GRAMD1A: variants seen among roughly 807,000 people sequenced by gnomAD.
The protein encoded by GRAMD1A is GRAM domain containing 1A.
In GRAMD1A, 50 loss-of-function variants were observed where a neutral mutation model predicts 92.0. The ratio of observed to expected loss-of-function variants is 0.54; its 90% CI spans 0.43 to 0.69. GRAMD1A has a LOEUF of 0.69. GRAMD1A is among the 30% of genes least tolerant of loss of function. The pLI, the probability that GRAMD1A is intolerant of heterozygous loss-of-function variation, is 0.00. For missense variants in GRAMD1A, 819 were observed against 978.9 expected (o/e 0.84, Z 2.18); for synonymous variants, 405 against 403.6 (o/e 1.00, Z -0.04).
At position 35,019,423 on chromosome 19, in the gene GRAMD1A, G is replaced by T; in HGVS notation, c.1365G>T (p.Gly455=). 1 of 1,613,950 alleles carries T rather than the reference G, an allele frequency of 6.2e-7. No individual in the cohort carries two copies. The highest frequency in any genetic ancestry group is 8.5e-7 in the Non-Finnish European group (1 of 1,179,950). Residue 455 remains glycine (G), a synonymous_variant, in exon 13 of 20, where the codon GGG becomes GGT. Coordinates refer to ENST00000317991, the MANE Select transcript of GRAMD1A (RefSeq NM_020895.5). ...TCCGGCGCGGCCCCCAGGCCGGCGGGTGTGTGGTGGACTCCGAGGTGCTGA... is the reference window on the plus strand; with the variant it reads ...TCCGGCGCGGCCCCCAGGCCGGCGGTTGTGTGGTGGACTCCGAGGTGCTGA... ...TLFRRGPQAG[G]CVVDSEVLTQ...
At chr19:35,022,770 T>C in intron 16 of GRAMD1A, 130 bp from the exon 17 acceptor site, 1 of 738,446 alleles carries the variant, frequency 1.4e-6, no homozygotes. Context: ...GCCTCAGCTC[T>C]CAGCTCTCAT....
intron 6 of GRAMD1A, 152 bp downstream of exon 6, chr19:35,010,531 G>A: frequency 1.6e-6 from 1 of 626,492 alleles, no homozygotes; most frequent in South Asian, 1.8e-5. Flanking sequence ...CATCACCCCT[G>A]ACCTGATCCC....
upstream of GRAMD1A, chr19:34,994,733 C>G (rs8100658): frequency 0.46 from 69,428 of 152,084 alleles, 18,686 homozygotes; most frequent in African/African-American, 0.75. Flanking sequence ...CTCTGGCCCA[C>G]CTAGGACTCC....
rs1421514152 is a variant in GRAMD1A at position 35,009,697 on chromosome 19, G to A, written c.241-191G>A. The A allele has an allele frequency of 4.7e-6, 3 of 635,132 alleles. No individual in the cohort carries two copies. In the East Asian group the frequency reaches 8.1e-5, roughly 17 times the overall value. 39.3% of individuals were successfully genotyped at this position (635,132 alleles called of 1,614,324 possible). A position where few individuals can be genotyped will look rare whatever the true frequency, so the allele number is the denominator to read the frequency against. On this transcript the variant is annotated intron_variant, in intron 3 of 19. Transcript: ENST00000317991. ...AACATTGAATGAGTCAGTGATGCTG[G>A]TGGGTGCTTGGTACGGGGCCCGGCT...
chr19:35,017,982 A>C (rs959391834), intron 11 of GRAMD1A, among the ~76,000 whole-genome samples: 9 of 151,500 alleles, frequency 5.9e-5, no homozygotes, highest in Non-Finnish European at 1.2e-4. Flanking sequence ...ATTAACACAT[A>C]TTTATTTATT....
At chr19:35,017,394 C>T (rs2015717724) in intron 11 of GRAMD1A, among the ~76,000 whole-genome samples, 1 of 152,034 alleles carries the variant, frequency 6.6e-6, no homozygotes, top group South Asian at 2.1e-4. Flanking sequence ...GCCTTGTAGC[C>T]CCCCAACACA....
At position 35,025,489 on chromosome 19, in the gene GRAMD1A, C is replaced by T. The variant is rs909254313; in HGVS notation, c.2083-560C>T. 1.5e-3 allele frequency among the ~76,000 whole-genome samples: 228 copies of T among 152,308 alleles called. 5 individuals are homozygous for T. Among genetic ancestry groups the T allele is most frequent in the Non-Finnish European group, 4.3e-4 (29 of 68,018 alleles). On this transcript the variant is annotated intron_variant, in intron 19 of 19. Coordinates refer to ENST00000317991, the MANE Select transcript of GRAMD1A (RefSeq NM_020895.5). Reference sequence around the variant, plus strand: ...GAACTCCTGACCTTAAGTGATCCACCGGTCTCAGCCTCCCAAAGTGCTGAG... The same window carrying T: ...GAACTCCTGACCTTAAGTGATCCACTGGTCTCAGCCTCCCAAAGTGCTGAG...
chr19:35,011,612 A>G lies in GRAMD1A; in HGVS notation c.606+58A>G, dbSNP rs532542730. 58 of 1,257,442 alleles carry G rather than the reference A, an allele frequency of 4.6e-5. No homozygotes were observed. In the South Asian group the frequency reaches 6.7e-4, roughly 14 times the overall value. 77.9% of individuals were successfully genotyped at this position (1,257,442 alleles called of 1,614,324 possible). A position where few individuals can be genotyped will look rare whatever the true frequency, so the allele number is the denominator to read the frequency against. ...GGGTTTCCAGGGGGACCATGGAGCC[A>G]GGGACCCCAGAACTTGCGGAGCTGG... On this transcript the variant is annotated intron_variant, in intron 7 of 19. Coordinates refer to ENST00000317991, the MANE Select transcript of GRAMD1A (RefSeq NM_020895.5).
intron 1 of GRAMD1A, among the ~76,000 whole-genome samples, chr19:35,007,995 A>G (rs1454330421): frequency 6.6e-6 from 1 of 152,212 alleles, no homozygotes; most frequent in African/African-American, 2.4e-5. Flanking sequence ...TCGCTGTTCA[A>G]TAAATATTTG....
intron 19 of GRAMD1A, 78 bp from the exon 20 acceptor site, chr19:35,025,971 A>T: frequency 1.3e-6 from 1 of 798,088 alleles, no homozygotes; most frequent in South Asian, 1.4e-5. Context: ...CAGTTTCTCA[A>T]TGGCAAGGTG....
rs756525539 is a variant in GRAMD1A, at chr19:35,019,550, C to T, written c.1475+17C>T. The T allele has an allele frequency of 1.2e-6, 2 of 1,612,052 alleles. No homozygotes were observed. Among genetic ancestry groups the T allele is most frequent in the African/African-American group, 1.3e-5 (1 of 74,900 alleles). ...GCGGCTCCGGTGAGTGGTGGCTGGGCCCCTCCACCCGATGCCCTGGTGGCC... is the reference window on the plus strand; with the variant it reads ...GCGGCTCCGGTGAGTGGTGGCTGGGTCCCTCCACCCGATGCCCTGGTGGCC... On this transcript the variant is annotated intron_variant, in intron 13 of 19. Coordinates refer to ENST00000317991, the MANE Select transcript of GRAMD1A (RefSeq NM_020895.5).
chr19:35,000,630 G>A lies in GRAMD1A; in HGVS notation c.8+144G>A, dbSNP rs920942581. The stretch of plus-strand genomic sequence containing the variant: ...GCACATGGCTCTGGCCGGGGCGATC[G>A]GGGTGGGGGCGGGGCAGGGGGCCCC... On this transcript the variant is annotated intron_variant, in intron 1 of 19. Coordinates refer to ENST00000317991, the MANE Select transcript of GRAMD1A (RefSeq NM_020895.5). The surrounding 1 kb of genome is among the most constrained non-coding windows in gnomAD (Gnocchi z 4.9). 5 of 508,822 alleles carry A rather than the reference G, an allele frequency of 9.8e-6. No homozygotes were observed. In the East Asian group the frequency reaches 2.2e-4, roughly 22 times the overall value. The allele number at this position is 508,822 out of a possible 1,614,324, so 31.5% of individuals were successfully genotyped here. A position where few individuals can be genotyped will look rare whatever the true frequency, so the allele number is the denominator to read the frequency against.
chr19:34,997,559 T>C (rs1479034541), upstream of GRAMD1A, among the ~76,000 whole-genome samples: 4 of 152,176 alleles, frequency 2.6e-5, no homozygotes, highest in African/African-American at 7.2e-5. Flanking sequence ...AAGCAGCCAC[T>C]GTGGTTTCTT....
Position 35,014,366 on chromosome 19 carries a change from T to G in GRAMD1A, c.1048T>G (p.Ser350Ala). The G allele has an allele frequency of 1.9e-6, 3 of 1,614,110 alleles. No individual in the cohort carries two copies. Among genetic ancestry groups the G allele is most frequent in the Non-Finnish European group, 2.5e-6 (3 of 1,179,984 alleles). ...GCTATTGACAGACACAAGTAACTCC[T>G]CTTCATCCACTGGGGAGGAAGGTGA... ...EELLTDTSNS[S>A]SSTGEEADLA... Residue 350 changes from serine to alanine, a missense_variant, in exon 10 of 20, where the codon TCT (serine) becomes GCT (alanine). Ser to Ala is a moderately conservative substitution (Grantham distance 99). Coordinates refer to ENST00000317991, the MANE Select transcript of GRAMD1A (RefSeq NM_020895.5).
chr19:35,009,503 GCC>G, intron 3 of GRAMD1A, 60 bp downstream of exon 3: 1 of 1,568,300 alleles, frequency 6.4e-7, no homozygotes, highest in Non-Finnish European at 8.8e-7. Flanking sequence ...TGGGCCAGGA[GCC>G]CCAGGCTGCA....
At chr19:35,014,726 T>G (rs1188626165) in intron 10 of GRAMD1A, 1 of 346,456 alleles carries the variant, frequency 2.9e-6, no homozygotes, top group East Asian at 6.6e-5. Context: ...AGGATTGTTG[T>G]TAAGAGACTA....
intron 11 of GRAMD1A, among the ~76,000 whole-genome samples, chr19:35,016,638 C>T (rs1489407143): frequency 6.6e-6 from 1 of 150,660 alleles, no homozygotes; most frequent in Non-Finnish European, 1.5e-5. Flanking sequence ...CAGTGGCTCA[C>T]GCTTATAATC....
chr19:35,005,164 C>G (rs1229383586), intron 1 of GRAMD1A, among the ~76,000 whole-genome samples: 1 of 151,482 alleles, frequency 6.6e-6, no homozygotes, highest in East Asian at 2.0e-4. Flanking sequence ...TACGCCAGGC[C>G]CTGCTCTAGG....
intron 6 of GRAMD1A, 125 bp from the exon 7 acceptor site, chr19:35,011,349 G>A: frequency 2.6e-6 from 2 of 781,930 alleles, no homozygotes; most frequent in Non-Finnish European, 2.3e-6. Context: ...CTAATGCAGG[G>A]GTGAATTAGT....
Sources: gnomAD v4.1 joint callset for allele counts (sites outside exome capture counted in the v4.1 genomes callset) on GRCh38, gnomAD v4.1.1 for gene constraint, Gnocchi (gnomAD v3.1) non-coding constraint, MANE v1.5 for transcripts, NCBI Gene and HGNC (gene_info 2026-07-23, HGNC 2026-07-21) for gene names.